ESD: variants seen among roughly 807,000 people sequenced by gnomAD.
The protein encoded by ESD is S-formylglutathione hydrolase.
ESD carries 34 observed loss-of-function variants against 38.1 expected under a neutral mutation model. That is an observed-to-expected ratio of 0.89 (90% CI 0.68 to 1.19). ESD has a LOEUF of 1.19. Among genes scored for constraint, ESD ranks in the 50% most tolerant of loss-of-function variants. ESD has a pLI of 0.00. For synonymous variants in ESD, 97 were observed against 107.0 expected (o/e 0.91, Z 0.58); for missense variants, 334 against 327.2 (o/e 1.02, Z -0.16).
intron 3 of ESD, among the ~76,000 whole-genome samples, chr13:46,790,104 A>G (rs1875344519): frequency 1.3e-5 from 2 of 151,680 alleles, no homozygotes; most frequent in Non-Finnish European, 2.9e-5. Context: ...GGCCTCCCAA[A>G]GTGTTAGTAT....
chr13:46,784,614 C>T (rs1875127719), intron 4 of ESD, among the ~76,000 whole-genome samples: 1 of 151,846 alleles, frequency 6.6e-6, no homozygotes, highest in Non-Finnish European at 1.5e-5. Context: ...TTATCTCATG[C>T]TATATTGTGA....
intron 4 of ESD, chr13:46,785,847 C>T (rs942902290): frequency 6.6e-6 from 1 of 151,930 alleles, no homozygotes; most frequent in Non-Finnish European, 1.5e-5. Context: ...CACAATGCCT[C>T]AGGGCTTCTG....
At chr13:46,775,739 ACT>A (rs1197774859) in intron 9 of ESD, 1 of 459,536 alleles carries the variant, frequency 2.2e-6, no homozygotes, top group Non-Finnish European at 4.5e-6. Flanking sequence ...CAACATTGTG[ACT>A]CTGGTGCTTT....
chr13:46,772,116 T>A (rs1307883372), intron 9 of ESD, among the ~76,000 whole-genome samples: 1 of 152,198 alleles, frequency 6.6e-6, no homozygotes, highest in Non-Finnish European at 1.5e-5. Flanking sequence ...TAAATCCTGT[T>A]AACAATTCCT....
intron 5 of ESD, among the ~76,000 whole-genome samples, chr13:46,783,668 T>G (rs1008106550): frequency 9.2e-5 from 14 of 151,952 alleles, no homozygotes; most frequent in African/African-American, 3.4e-4. Context: ...ATATACTACT[T>G]GCCAGGCCAG....
intron 9 of ESD, among the ~76,000 whole-genome samples, chr13:46,772,773 A>C (rs1593402260): frequency 6.6e-6 from 1 of 151,328 alleles, no homozygotes; most frequent in African/African-American, 2.4e-5. Context: ...CAACCTCCAC[A>C]TCCCGGGTTC....
chr13:46,791,136 A>G (rs1875381610), intron 3 of ESD, among the ~76,000 whole-genome samples: 1 of 152,178 alleles, frequency 6.6e-6, no homozygotes, highest in Non-Finnish European at 1.5e-5. Flanking sequence ...AAGCTTGAAG[A>G]TACTTCTCTG....
intron 3 of ESD, among the ~76,000 whole-genome samples, chr13:46,787,545 T>C (rs1198545876): frequency 6.6e-6 from 1 of 151,978 alleles, no homozygotes; most frequent in African/African-American, 2.4e-5. Context: ...ATCACTAATA[T>C]TTTATCACAA....
At chr13:46,774,044 A>C in intron 9 of ESD, among the ~76,000 whole-genome samples, 1 of 152,182 alleles carries the variant, frequency 6.6e-6, no homozygotes, top group East Asian at 1.9e-4. Context: ...GATGCAGGGA[A>C]ACAGATATCT....
intron 1 of ESD, among the ~76,000 whole-genome samples, chr13:46,796,891 A>C (rs1297247211): frequency 6.6e-6 from 1 of 152,266 alleles, no homozygotes; most frequent in Admixed American, 6.5e-5. Flanking sequence ...TCAGAGAAGG[A>C]AAAGGGATTA....
chr13:46,781,293 T>A (rs1874989789), intron 7 of ESD, among the ~76,000 whole-genome samples: 1 of 151,740 alleles, frequency 6.6e-6, no homozygotes, highest in Non-Finnish European at 1.5e-5. Flanking sequence ...AAGAAAGCAC[T>A]CTTGCTGAAT....
chr13:46,777,710 T>A, intron 8 of ESD, 87 bp from the exon 9 acceptor site: 1 of 1,100,576 alleles, frequency 9.1e-7, no homozygotes. Context: ...AATTTAAAGT[T>A]ATTTAAGCTC....
chr13:46,784,924 G>A (rs1480221029), intron 4 of ESD, among the ~76,000 whole-genome samples: 2 of 151,970 alleles, frequency 1.3e-5, no homozygotes, highest in Non-Finnish European at 2.9e-5. Flanking sequence ...AACAACCCCA[G>A]TGAAGTGTTA....
chr13:46,778,725 C>G (rs949477209), intron 8 of ESD, among the ~76,000 whole-genome samples: 2 of 151,770 alleles, frequency 1.3e-5, no homozygotes, highest in African/African-American at 4.8e-5. Flanking sequence ...ACTCAAAACA[C>G]TGATGTACAT....
At chr13:46,777,385 G>A in intron 9 of ESD, 71 bp downstream of exon 9, 1 of 1,229,214 alleles carries the variant, frequency 8.1e-7, no homozygotes, top group Non-Finnish European at 1.1e-6. Context: ...ATAAAGTTAA[G>A]AAAATATCAC....
At chr13:46,772,617 G>A (rs149473438) in intron 9 of ESD, among the ~76,000 whole-genome samples, 1 of 152,230 alleles carries the variant, frequency 6.6e-6, no homozygotes, top group East Asian at 1.9e-4. Context: ...AGGCCCCAGT[G>A]TGGGTTGTTC....
chr13:46,796,683 C>G (rs931957159), intron 1 of ESD, among the ~76,000 whole-genome samples: 4 of 152,278 alleles, frequency 2.6e-5, no homozygotes, highest in Admixed American at 6.5e-5. Context: ...CAGGTCCACA[C>G]TCCCCCGAAC....
chr13:46,774,402 C>T (rs997866951), intron 9 of ESD, among the ~76,000 whole-genome samples: 11 of 152,108 alleles, frequency 7.2e-5, no homozygotes, highest in South Asian at 2.1e-4. Flanking sequence ...TCATCCCTGA[C>T]GAGGGTTTCT....
At chr13:46,774,775 T>C (rs1251773600) in intron 9 of ESD, among the ~76,000 whole-genome samples, 1 of 152,190 alleles carries the variant, frequency 6.6e-6, no homozygotes, top group Non-Finnish European at 1.5e-5. Context: ...CTCTTCAGTG[T>C]ATAAGGAGGA....
Sources: gnomAD v4.1 joint callset for allele counts (sites outside exome capture counted in the v4.1 genomes callset) on GRCh38, gnomAD v4.1.1 for gene constraint, MANE v1.5 for transcripts, NCBI Gene and HGNC (gene_info 2026-07-23, HGNC 2026-07-21) for gene names.